TPST2: variants seen among roughly 807,000 people sequenced by gnomAD.
TPST2 encodes tyrosylprotein sulfotransferase 2.
TPST2 carries 16 observed loss-of-function variants against 27.8 expected under a neutral mutation model. The ratio of observed to expected loss-of-function variants is 0.58; its 90% confidence interval spans 0.39 to 0.88. The LOEUF is 0.88. Ranked by LOEUF, TPST2 falls within the 40% of genes least tolerant of loss-of-function variation. TPST2 has a pLI of 0.00. For missense variants in TPST2, 464 were observed against 543.1 expected (o/e 0.85, Z 1.45); for synonymous variants, 229 against 231.7 (o/e 0.99, Z 0.10).
rs1376440141 is a variant in TPST2, at chr22:26,525,972, G to A, written c.*303C>T. On this transcript the variant is annotated 3_prime_UTR_variant, in exon 7 of 7. Coordinates refer to ENST00000338754, the MANE Select transcript of TPST2 (RefSeq NM_003595.5). ...CACCAAGGCAGTCCTGCAAATTAAG[G>A]AGGATGGCAAATCTGTCTCTTAAAA... 2.0e-5 allele frequency: 3 copies of A among 152,276 alleles called. No homozygotes were observed. Among genetic ancestry groups the A allele is most frequent in the South Asian group, 2.1e-4 (1 of 4,820 alleles). The allele number at this position is 152,276 out of a possible 1,614,324, so 9.4% of individuals were successfully genotyped here. A position where few individuals can be genotyped will look rare whatever the true frequency, so the allele number is the denominator to read the frequency against.
chr22:26,544,684 G>T lies in TPST2; in HGVS notation c.-160-9C>A, dbSNP rs563125673. 8 of 986,006 alleles carry T rather than the reference G, an allele frequency of 8.1e-6. No homozygotes were observed. The South Asian group carries it at 3.3e-4, about 41-fold the overall frequency. 61.1% of individuals were successfully genotyped at this position (986,006 alleles called of 1,614,324 possible). On this transcript the variant is annotated splice_polypyrimidine_tract_variant and intron_variant, in intron 1 of 6. Transcript: ENST00000338754. ...TGTCTGCTGGCAGAGCCCTGGAGAG[G>T]CAAAGGAGATATTGCATCAGGGATG...
chr22:26,583,101 GA>G (rs1307574594), intron 1 of TPST2, among the ~76,000 whole-genome samples: 4 of 137,198 alleles, frequency 2.9e-5, no homozygotes, highest in Non-Finnish European at 6.2e-5. Context: ...AACAGAGCGA[GA>G]CTCCATCTCA....
chr22:26,572,919 C>G (rs371603825), intron 1 of TPST2, among the ~76,000 whole-genome samples: 2 of 152,046 alleles, frequency 1.3e-5, no homozygotes, highest in East Asian at 3.8e-4. Flanking sequence ...AAAAAGAATG[C>G]GTTTTGCAGA....
At chr22:26,548,827 G>A (rs781125190) in intron 1 of TPST2, among the ~76,000 whole-genome samples, 9 of 151,982 alleles carry the variant, frequency 5.9e-5, no homozygotes, top group Non-Finnish European at 1.0e-4. Flanking sequence ...AATTAGCCAG[G>A]TGTGGTGGTG....
At chr22:26,545,095 T>C (rs1045353924) in intron 1 of TPST2, among the ~76,000 whole-genome samples, 1 of 152,182 alleles carries the variant, frequency 6.6e-6, no homozygotes, top group Admixed American at 6.5e-5. Flanking sequence ...GATCAGGTTG[T>C]GGACTGCACA....
chr22:26,545,625 C>T (rs1376466737), intron 1 of TPST2, among the ~76,000 whole-genome samples: 1 of 152,220 alleles, frequency 6.6e-6, no homozygotes, highest in East Asian at 1.9e-4. Context: ...TGAAGCTAAA[C>T]CTCCCACCTG....
intron 4 of TPST2, among the ~76,000 whole-genome samples, chr22:26,535,683 A>C (rs1925414988): frequency 6.6e-6 from 1 of 152,210 alleles, no homozygotes; most frequent in Admixed American, 6.5e-5. Flanking sequence ...GCCTGGGGTG[A>C]GAGGATGGCT....
At chr22:26,588,451 A>T (rs1240963559) in intron 1 of TPST2, among the ~76,000 whole-genome samples, 1 of 152,164 alleles carries the variant, frequency 6.6e-6, no homozygotes, top group Non-Finnish European at 1.5e-5. Flanking sequence ...AATGTTCTAA[A>T]ATTAGACAGT....
intron 3 of TPST2, among the ~76,000 whole-genome samples, chr22:26,539,463 T>C (rs1025960999): frequency 9.9e-5 from 15 of 151,524 alleles, no homozygotes; most frequent in Non-Finnish European, 1.6e-4. Context: ...TGGGAGGAGT[T>C]CTGGACATGG....
intron 5 of TPST2, among the ~76,000 whole-genome samples, chr22:26,531,674 C>T (rs772389633): frequency 3.3e-5 from 5 of 152,172 alleles, no homozygotes; most frequent in African/African-American, 7.2e-5. Context: ...GGGTGTTCAA[C>T]AATTCAGTTC....
At chr22:26,555,242 A>C (rs1388869217) in intron 1 of TPST2, 3 of 532,404 alleles carry the variant, frequency 5.6e-6, no homozygotes, top group South Asian at 4.2e-5. Context: ...GGCTGGTGCA[A>C]AAGTAATGCA....
chr22:26,548,083 GGAT>G (rs1203333528), intron 1 of TPST2, among the ~76,000 whole-genome samples: 3 of 152,122 alleles, frequency 2.0e-5, no homozygotes, highest in African/African-American at 4.8e-5. Flanking sequence ...TGTAAAATGG[GGAT>G]GATAATACAG....
At chr22:26,560,804 T>A in intron 1 of TPST2, 3 of 1,384,304 alleles carry the variant, frequency 2.2e-6, no homozygotes, top group Non-Finnish European at 3.1e-6. Context: ...AGGATCCGAA[T>A]GCACCCAAGA....
intron 5 of TPST2, among the ~76,000 whole-genome samples, chr22:26,531,480 G>A (rs1959224136): frequency 6.6e-6 from 1 of 152,206 alleles, no homozygotes; most frequent in African/African-American, 2.4e-5. Flanking sequence ...GAATGCAAAA[G>A]TGCATACGCA....
intron 4 of TPST2, 137 bp downstream of exon 4, chr22:26,536,151 G>A (rs1925448549): frequency 8.6e-7 from 1 of 1,158,146 alleles, no homozygotes. Context: ...GTAGTTCACT[G>A]TGTCCATCAG....
intron 4 of TPST2, chr22:26,536,030 A>T (rs1280292111): frequency 3.2e-6 from 2 of 625,508 alleles, no homozygotes; most frequent in Non-Finnish European, 6.0e-6. Context: ...AAATAAGATG[A>T]AATTAGTGTA....
At chr22:26,576,944 A>C (rs1454643650) in intron 1 of TPST2, among the ~76,000 whole-genome samples, 1 of 151,872 alleles carries the variant, frequency 6.6e-6, no homozygotes, top group African/African-American at 2.4e-5. Context: ...AAAATACAAA[A>C]AATTAGCCGG....
intron 1 of TPST2, among the ~76,000 whole-genome samples, chr22:26,568,401 G>C (rs1360134828): frequency 6.6e-6 from 1 of 152,168 alleles, no homozygotes; most frequent in African/African-American, 2.4e-5. Flanking sequence ...GCATTCCCAA[G>C]AGGTCAGGCA....
At chr22:26,542,503 A>G (rs532689895) in intron 2 of TPST2, among the ~76,000 whole-genome samples, 6 of 152,192 alleles carry the variant, frequency 3.9e-5, no homozygotes, top group African/African-American at 1.4e-4. Flanking sequence ...TTCTATCATA[A>G]TCATTGGTTA....
Sources: allele counts gnomAD v4.1 joint callset (sites outside exome capture counted in the v4.1 genomes callset), GRCh38; gene constraint gnomAD v4.1.1; transcripts MANE v1.5; gene names NCBI Gene and HGNC (gene_info 2026-07-23, HGNC 2026-07-21).